MGAT4C: variants seen among roughly 807,000 people sequenced by gnomAD.
MGAT4C encodes alpha-1,3-mannosyl-glycoprotein 4-beta-N-acetylglucosaminyltransferase C.
MGAT4C carries 19 observed loss-of-function variants against 40.1 expected under a neutral mutation model. That is an observed-to-expected ratio of 0.47 (90% CI 0.33 to 0.70). The LOEUF (loss-of-function observed/expected upper bound fraction) is 0.70, where lower values mean the gene tolerates loss of function less well. Ranked by LOEUF, MGAT4C falls within the 30% of genes least tolerant of loss-of-function variation. The probability of loss-of-function intolerance (pLI) is 0.02; values close to 1 mark genes in which losing one functional copy is unlikely to be tolerated. For missense variants in MGAT4C, 491 were observed against 563.2 expected (o/e 0.87, Z 1.30); for synonymous variants, 181 against 187.1 (o/e 0.97, Z 0.27).
At chr12:86,538,128 T>C (rs924717137) in intron 2 of MGAT4C, among the ~76,000 whole-genome samples, 1 of 152,084 alleles carries the variant, frequency 6.6e-6, no homozygotes, top group African/African-American at 2.4e-5. Flanking sequence ...AAAAATTTAT[T>C]TGTATTTGAA....
In MGAT4C at chr12:86,024,292, CA is replaced by C. The variant is rs796411196; in HGVS notation, c.-7+25381del. ...TCCTTTTGTCTTTTCTCAATTAATACATTTTTTTTTCTATTTCAAAAATATG... is the reference window on the plus strand; with the variant it reads ...TCCTTTTGTCTTTTCTCAATTAATACTTTTTTTTTCTATTTCAAAAATATG... On this transcript the variant is annotated intron_variant, in intron 2 of 4. Coordinates refer to ENST00000611864, the MANE Select transcript of MGAT4C (RefSeq NM_001351288.2). 1.5e-4 allele frequency among the ~76,000 whole-genome samples: 22 copies of C among 146,778 alleles called. 1 individual carries two copies. Among genetic ancestry groups the C allele is most frequent in the African/African-American group, 3.0e-4 (11 of 37,002 alleles).
At chr12:86,515,366 T>C (rs930555808) in intron 2 of MGAT4C, among the ~76,000 whole-genome samples, 1 of 152,052 alleles carries the variant, frequency 6.6e-6, no homozygotes, top group Non-Finnish European at 1.5e-5. Context: ...GAAGACACAA[T>C]CTGGTATACA....
chr12:86,099,359 C>T (rs1874521515), intron 1 of MGAT4C, among the ~76,000 whole-genome samples: 1 of 150,400 alleles, frequency 6.6e-6, no homozygotes, highest in African/African-American at 2.4e-5. Flanking sequence ...TTATTCAAAA[C>T]TTTTTGGTTA....
chr12:86,428,894 T>C (rs1956980997), intron 3 of MGAT4C, among the ~76,000 whole-genome samples: 1 of 152,110 alleles, frequency 6.6e-6, no homozygotes, highest in South Asian at 2.1e-4. Context: ...ATTTTGTTTC[T>C]TTTCAAAAAA....
intron 1 of MGAT4C, among the ~76,000 whole-genome samples, chr12:86,770,091 G>T (rs1951603868): frequency 6.6e-6 from 1 of 151,976 alleles, no homozygotes; most frequent in South Asian, 2.1e-4. Flanking sequence ...AGTATATGAT[G>T]TTAATTCTTA....
chr12:86,226,478 A>G (rs1035039582), intron 1 of MGAT4C, among the ~76,000 whole-genome samples: 12 of 151,872 alleles, frequency 7.9e-5, no homozygotes, highest in African/African-American at 2.9e-4. Flanking sequence ...GGTAAAACTT[A>G]TATCTTCATC....
intron 3 of MGAT4C, among the ~76,000 whole-genome samples, chr12:86,368,442 A>AT (rs1169737177): frequency 1.4e-5 from 2 of 144,104 alleles, no homozygotes; most frequent in Admixed American, 6.9e-5. Flanking sequence ...TTTAGGCTTG[A>AT]TTTTTTTATT....
chr12:86,093,136 A>G (rs577563457), intron 1 of MGAT4C, among the ~76,000 whole-genome samples: 2 of 152,224 alleles, frequency 1.3e-5, no homozygotes, highest in East Asian at 1.9e-4. Context: ...TAATGTCAGA[A>G]AGAAATGAAT....
intron 2 of MGAT4C, among the ~76,000 whole-genome samples, chr12:86,713,675 T>C (rs1230139594): frequency 1.3e-5 from 2 of 152,144 alleles, no homozygotes; most frequent in Non-Finnish European, 2.9e-5. Flanking sequence ...AGTAGTTTTA[T>C]ATATATGAGT....
intron 2 of MGAT4C, among the ~76,000 whole-genome samples, chr12:86,454,486 C>A (rs1209324048): frequency 6.6e-6 from 1 of 152,024 alleles, no homozygotes; most frequent in Admixed American, 6.6e-5. Flanking sequence ...CTCAGCCTCC[C>A]AAAATGCTGA....
upstream of MGAT4C, among the ~76,000 whole-genome samples, chr12:86,259,004 T>A (rs1493413): frequency 6.6e-6 from 1 of 151,752 alleles, no homozygotes; most frequent in African/African-American, 2.4e-5. Context: ...ATAATTACAT[T>A]TATACACTCA....
intron 1 of MGAT4C, among the ~76,000 whole-genome samples, chr12:86,754,038 TAAGC>T (rs1951263686): frequency 6.6e-6 from 1 of 152,188 alleles, no homozygotes; most frequent in African/African-American, 2.4e-5. Context: ...GACTTGTATG[TAAGC>T]ATTCGTAGTA....
At chr12:86,322,650 T>C (rs990711641) in intron 4 of MGAT4C, among the ~76,000 whole-genome samples, 1 of 152,080 alleles carries the variant, frequency 6.6e-6, no homozygotes, top group Non-Finnish European at 1.5e-5. Flanking sequence ...TCTTACTTTG[T>C]TATAATTCAT....
At chr12:86,568,135 G>A (rs181530341) in intron 2 of MGAT4C, among the ~76,000 whole-genome samples, 1 of 152,066 alleles carries the variant, frequency 6.6e-6, no homozygotes. Context: ...TCCTGGGTTT[G>A]TCTGTGAGGG....
In MGAT4C at chr12:86,174,949, T is replaced by C. The variant is rs546265778; in HGVS notation, c.-57+81290A>G. Among the ~76,000 whole-genome samples, 46 of 152,278 alleles carry C rather than the reference T, an allele frequency of 3.0e-4. 1 individual carries two copies. The highest frequency in any genetic ancestry group is 1.1e-3 in the African/African-American group (45 of 41,578). ...ATATAAAAATTAATAATCACTTTCA[T>C]TTGTCACCAAAAATGATTTCAAGAT... On this transcript the variant is annotated intron_variant, in intron 1 of 4. Transcript: ENST00000611864.
At chr12:86,766,221 G>C (rs996859855) in intron 1 of MGAT4C, among the ~76,000 whole-genome samples, 5 of 152,032 alleles carry the variant, frequency 3.3e-5, no homozygotes, top group African/African-American at 1.2e-4. Context: ...TGCAATCCTA[G>C]TCTCTGATAA....
chr12:86,086,180 C>T (rs141725032), intron 1 of MGAT4C, among the ~76,000 whole-genome samples: 2,264 of 152,162 alleles, frequency 0.015, 67 homozygotes, highest in African/African-American at 0.051. Flanking sequence ...GAAAATGTGG[C>T]ACATATACAC....
At chr12:86,385,112 C>A (rs1956026378) in intron 3 of MGAT4C, among the ~76,000 whole-genome samples, 1 of 152,248 alleles carries the variant, frequency 6.6e-6, no homozygotes. Flanking sequence ...CAGTATTCCC[C>A]AGCATGACAG....
intron 4 of MGAT4C, among the ~76,000 whole-genome samples, chr12:86,309,563 C>T (rs79935325): frequency 0.013 from 1,958 of 152,226 alleles, 40 homozygotes; most frequent in African/African-American, 0.042. Context: ...TAAATTCATG[C>T]GGGCTCTGCC....
Sources: allele counts gnomAD v4.1 joint callset (sites outside exome capture counted in the v4.1 genomes callset), GRCh38; gene constraint gnomAD v4.1.1; transcripts MANE v1.5; gene names NCBI Gene and HGNC (gene_info 2026-07-23, HGNC 2026-07-21).